ALDH5A1: variants seen among roughly 807,000 people sequenced by gnomAD.
ALDH5A1 encodes the protein succinate-semialdehyde dehydrogenase, mitochondrial.
ALDH5A1 carries 33 observed loss-of-function variants against 54.7 expected under a neutral mutation model. That is an observed-to-expected ratio of 0.60 (90% CI 0.46 to 0.81). ALDH5A1 has a LOEUF of 0.81. ALDH5A1 is among the 30% of genes least tolerant of loss of function. The pLI is 0.00. For missense variants in ALDH5A1, 657 were observed against 711.0 expected, an observed-to-expected ratio of 0.92 and a Z score of 0.86; for synonymous variants, 294 against 292.7, an observed-to-expected ratio of 1.00 and a Z score of -0.05.
At chr6:24,507,610 A>G (rs1759383098) in intron 4 of ALDH5A1, among the ~76,000 whole-genome samples, 1 of 152,016 alleles carries the variant, frequency 6.6e-6, no homozygotes, top group African/African-American at 2.4e-5. Context: ...ATATCTCTAT[A>G]AAGTTTTCAG....
At chr6:24,513,341 A>G (rs570125303) in intron 4 of ALDH5A1, among the ~76,000 whole-genome samples, 2 of 152,310 alleles carry the variant, frequency 1.3e-5, no homozygotes, top group South Asian at 4.1e-4. Flanking sequence ...CTGGGGTTAC[A>G]AGCATGAGCC....
At position 24,508,632 on chromosome 6, in the gene ALDH5A1, C is replaced by G. The variant is rs1419431762; in HGVS notation, c.726+3647C>G. On this transcript the variant is annotated intron_variant, in intron 4 of 9. Transcript: ENST00000357578. ...TGACTTCTTTTCCTCTGGGTAGATA[C>G]CCAGTAGTGGGGTTGCTGGATCAAA... 3.4e-5 allele frequency among the ~76,000 whole-genome samples: 5 copies of G among 146,150 alleles called. No individual in the cohort carries two copies. The South Asian group carries it at 8.7e-4, about 25-fold the overall frequency.
intron 5 of ALDH5A1, among the ~76,000 whole-genome samples, chr6:24,515,811 G>C (rs1759560527): frequency 6.6e-6 from 1 of 152,186 alleles, no homozygotes; most frequent in African/African-American, 2.4e-5. Flanking sequence ...ATAGGTTCCT[G>C]CTTGACAAAA....
chr6:24,527,784 A>G (rs1759847468), intron 7 of ALDH5A1, among the ~76,000 whole-genome samples: 1 of 152,238 alleles, frequency 6.6e-6, no homozygotes, highest in South Asian at 2.1e-4. Context: ...TCAAACAGCT[A>G]GAAGATATCA....
chr6:24,519,079 G>A (rs1265104083), intron 5 of ALDH5A1, among the ~76,000 whole-genome samples: 1 of 152,010 alleles, frequency 6.6e-6, no homozygotes, highest in Non-Finnish European at 1.5e-5. Context: ...AATCATCACA[G>A]TGTTTTTGTC....
At chr6:24,523,277 A>G (rs1294534831) in intron 7 of ALDH5A1, among the ~76,000 whole-genome samples, 3 of 152,150 alleles carry the variant, frequency 2.0e-5, no homozygotes, top group Non-Finnish European at 4.4e-5. Flanking sequence ...GGAATTTTCA[A>G]TGATGTTTTC....
At chr6:24,512,588 T>G (rs759985255) in intron 4 of ALDH5A1, among the ~76,000 whole-genome samples, 12 of 152,242 alleles carry the variant, frequency 7.9e-5, no homozygotes, top group Non-Finnish European at 1.8e-4. Flanking sequence ...TCATGTTGGT[T>G]GTTCTTTTGT....
intron 4 of ALDH5A1, among the ~76,000 whole-genome samples, chr6:24,512,987 G>A (rs994934386): frequency 2.0e-5 from 3 of 151,972 alleles, no homozygotes; most frequent in African/African-American, 7.3e-5. Context: ...ACCGCACCTG[G>A]CCCAGTTTGG....
rs70974913 is a variant in ALDH5A1 at position 24,506,243 on chromosome 6, C to CTTTTTTTTTTTTTT, written c.726+1275_726+1288dup. Among the ~76,000 whole-genome samples the CTTTTTTTTTTTTTT allele has an allele frequency of 2.0e-3, 104 of 52,160 alleles. 38 individuals carry two copies. The highest frequency in any genetic ancestry group is 4.8e-3 in the East Asian group (6 of 1,238). The allele number at this position is 52,160 out of a possible 152,430, so 34.2% of individuals were successfully genotyped here. A position where few individuals can be genotyped will look rare whatever the true frequency, so the allele number is the denominator to read the frequency against. On this transcript the variant is annotated intron_variant, in intron 4 of 9. Transcript: ENST00000357578. ...TCTGCACCTCCTTCTTTCCTGGTTC[C>CTTTTTTTTTTTTTT]TTTTTTTTTTTTTTTTTTTTTTTTT...
chr6:24,508,524 G>A (rs1397525167), intron 4 of ALDH5A1, among the ~76,000 whole-genome samples: 1 of 152,030 alleles, frequency 6.6e-6, no homozygotes, highest in Admixed American at 6.6e-5. Context: ...GTTGATTGAT[G>A]GGCATTTGGG....
chr6:24,516,162 C>T (rs1267941908), intron 5 of ALDH5A1, among the ~76,000 whole-genome samples: 3 of 151,906 alleles, frequency 2.0e-5, no homozygotes, highest in Non-Finnish European at 2.9e-5. Context: ...GAGGGCCGGG[C>T]GCGGTGGCTC....
rs546641719 is a variant in ALDH5A1 at position 24,535,928 on chromosome 6, C to A, written c.*2216C>A. ...TTTTAACATTGTAAGCCAGTAGATT[C>A]TTTGGCTGGGTGGCAAATTTTGAGT... is the stretch of plus-strand genomic sequence containing the variant. On this transcript the variant is annotated 3_prime_UTR_variant, in exon 10 of 10. Transcript: ENST00000357578. 9 of 152,334 alleles carry A rather than the reference C, an allele frequency of 5.9e-5. No individual in the cohort carries two copies. Among genetic ancestry groups the A allele is most frequent in the African/African-American group, 2.2e-4 (9 of 41,582 alleles). The allele number at this position is 152,334 out of a possible 1,614,324, so 9.4% of individuals were successfully genotyped here. A position where few individuals can be genotyped will look rare whatever the true frequency, so the allele number is the denominator to read the frequency against.
At chr6:24,500,262 T>C (rs1764793886) in intron 1 of ALDH5A1, among the ~76,000 whole-genome samples, 1 of 152,226 alleles carries the variant, frequency 6.6e-6, no homozygotes, top group Non-Finnish European at 1.5e-5. Flanking sequence ...CATGTTGTTG[T>C]GCCTGGGCCC....
intron 8 of ALDH5A1, among the ~76,000 whole-genome samples, chr6:24,529,036 T>C (rs924786248): frequency 3.3e-5 from 5 of 152,202 alleles, no homozygotes; most frequent in South Asian, 2.1e-4. Context: ...TTGGCCTCCA[T>C]AGGACATGAA....
At chr6:24,522,526 A>C in intron 6 of ALDH5A1, 1 of 316,870 alleles carries the variant, frequency 3.2e-6, no homozygotes, top group Non-Finnish European at 6.3e-6. Context: ...TTGCCAACTA[A>C]TCACTGATGC....
At chr6:24,513,115 T>C (rs1478756806) in intron 4 of ALDH5A1, among the ~76,000 whole-genome samples, 2 of 152,044 alleles carry the variant, frequency 1.3e-5, no homozygotes, top group Non-Finnish European at 2.9e-5. Context: ...GCTGGAGTAC[T>C]GTGTTGCTAT....
In ALDH5A1 at chr6:24,535,452, T is replaced by C. The variant is rs1198479102; in HGVS notation, c.*1740T>C. On this transcript the variant is annotated 3_prime_UTR_variant, in exon 10 of 10. Transcript: ENST00000357578. ...ATGTCTTCTCTTTATTTGTGTAGTT[T>C]TTAGGTGGTTTTATATAACATTTTA... 6.6e-6 allele frequency: 1 copy of C among 152,214 alleles called. No individual in the cohort carries two copies. The highest frequency in any genetic ancestry group is 2.4e-5 in the African/African-American group (1 of 41,516). The allele number at this position is 152,214 out of a possible 1,614,324, so 9.4% of individuals were successfully genotyped here.
At chr6:24,515,102 C>CTTTTTTTTTT (rs4646842) in intron 4 of ALDH5A1, 65 bp from the exon 5 acceptor site, 215 of 931,978 alleles carry the variant, frequency 2.3e-4, no homozygotes, top group South Asian at 5.5e-4. Flanking sequence ...TTTCTCTTTT[C>CTTTTTTTTTT]TTTTTTTTTT....
intron 9 of ALDH5A1, among the ~76,000 whole-genome samples, chr6:24,532,700 G>A (rs375394687): frequency 3.3e-5 from 5 of 152,070 alleles, no homozygotes; most frequent in East Asian, 3.9e-4. Context: ...TTATGTAATA[G>A]CATCCACAGC....
Sources: allele counts gnomAD v4.1 joint callset (sites outside exome capture counted in the v4.1 genomes callset), GRCh38; gene constraint gnomAD v4.1.1; transcripts MANE v1.5; gene names NCBI Gene and HGNC (gene_info 2026-07-23, HGNC 2026-07-21).